The following CPS1 variants were observed in gnomAD, a reference collection of about 807,000 sequenced individuals.
CPS1 encodes carbamoyl-phosphate synthase 1, also known as carbamoyl-phosphate synthase [ammonia], mitochondrial.
A neutral mutation model predicts 174.6 loss-of-function variants in CPS1; 109 were observed. The observed-to-expected ratio is 0.62, with a 90% CI of 0.53 to 0.73. The LOEUF (loss-of-function observed/expected upper bound fraction) is 0.73, where lower values mean the gene tolerates loss of function less well. Ranked by LOEUF, CPS1 falls within the 30% of genes least tolerant of loss-of-function variation. The probability of loss-of-function intolerance (pLI) is 0.00; values close to 1 mark genes in which losing one functional copy is unlikely to be tolerated. For missense variants in CPS1, 1,689 were observed against 1,821.9 expected (o/e 0.93, Z 1.33); for synonymous variants, 637 against 632.0 (o/e 1.01, Z -0.12).
rs180745709 is a variant in CPS1 at position 210,589,749 on chromosome 2, T to C, written c.712-357T>C. On this transcript the variant is annotated intron_variant, in intron 7 of 37. Coordinates refer to ENST00000233072, the MANE Select transcript of CPS1 (RefSeq NM_001875.5). ...ATCTTGGCTCGCTGGAACCTGTGAC[T>C]CCTGGACTCGGGTGATCCTCCCACC... is the stretch of plus-strand genomic sequence containing the variant. Among the ~76,000 whole-genome samples, 375 of 152,104 alleles carry C rather than the reference T, an allele frequency of 2.5e-3. 1 individual carries two copies. The highest frequency in any genetic ancestry group is 3.6e-3 in the Non-Finnish European group (247 of 67,968).
chr2:210,556,361 A>G (rs755153295), upstream of CPS1: 13 of 467,032 alleles, frequency 2.8e-5, no homozygotes, highest in East Asian at 8.0e-4. Context: ...GCTACTCTTT[A>G]GGATAAGGTT....
chr2:210,485,982 A>T (rs1462404434), intron 1 of CPS1, among the ~76,000 whole-genome samples: 3 of 151,810 alleles, frequency 2.0e-5, no homozygotes, highest in Non-Finnish European at 4.4e-5. Context: ...TTGTAGTAGT[A>T]TCGCATTGTG....
At chr2:210,563,811 T>C (rs964865338) in intron 1 of CPS1, among the ~76,000 whole-genome samples, 2 of 152,228 alleles carry the variant, frequency 1.3e-5, no homozygotes, top group Non-Finnish European at 2.9e-5. Flanking sequence ...TTCCTAAGAC[T>C]AAGCCCTCTC....
rs745705404 is a variant in CPS1, at chr2:210,608,536, A to G, written c.2368A>G (p.Ser790Gly). 6.2e-7 allele frequency: 1 copy of G among 1,612,036 alleles called. No individual in the cohort carries two copies. Among genetic ancestry groups the G allele is most frequent in the Non-Finnish European group, 8.5e-7 (1 of 1,178,648 alleles). Residue 790 changes from serine (S) to glycine (G), a missense_variant, in exon 19 of 38, where the codon AGC becomes GGC. Physicochemically the swap from Ser to Gly is moderately conservative, Grantham distance 56. Coordinates refer to ENST00000233072, the MANE Select transcript of CPS1 (RefSeq NM_001875.5). ...RFHGTSSRIG[S>G]SMKSVGEVMA... ...TCATGGAACATCTAGCCGAATTGGT[A>G]GCTCTATGAAAAGTGTAGGAGAGGT...
At chr2:210,531,584 A>G (rs537749452) in intron 1 of CPS1, among the ~76,000 whole-genome samples, 3 of 152,300 alleles carry the variant, frequency 2.0e-5, no homozygotes, top group East Asian at 3.9e-4. Flanking sequence ...ACAAAAAAGA[A>G]GAGAGAATTT....
At chr2:210,575,507 T>C (rs1208454625) in intron 2 of CPS1, among the ~76,000 whole-genome samples, 2 of 118,486 alleles carry the variant, frequency 1.7e-5, no homozygotes, top group African/African-American at 7.3e-5. Context: ...ACACACACGA[T>C]ATGTATATGC....
At chr2:210,536,445 C>T (rs1029642635) in intron 1 of CPS1, among the ~76,000 whole-genome samples, 6 of 151,622 alleles carry the variant, frequency 4.0e-5, no homozygotes, top group Non-Finnish European at 8.8e-5. Flanking sequence ...CTCAGCCTCC[C>T]GAGTAGCTGG....
chr2:210,571,367 C>T (rs746790151), intron 1 of CPS1, among the ~76,000 whole-genome samples: 1 of 151,906 alleles, frequency 6.6e-6, no homozygotes, highest in Admixed American at 6.6e-5. Flanking sequence ...TATGCTCACT[C>T]ACACACATAC....
chr2:210,590,304 G>A, intron 8 of CPS1, 70 bp downstream of exon 8: 5 of 1,602,268 alleles, frequency 3.1e-6, no homozygotes, highest in Non-Finnish European at 4.3e-6. Flanking sequence ...CCCTCAAAGG[G>A]CTGTGATACA....
intron 20 of CPS1, among the ~76,000 whole-genome samples, chr2:210,615,938 CACTG>C (rs1348223339): frequency 1.3e-5 from 2 of 152,064 alleles, no homozygotes; most frequent in African/African-American, 2.4e-5. Context: ...CATAAATTCT[CACTG>C]ACTATTGTAT....
At chr2:210,478,345 G>GT (rs1301965956) in intron 1 of CPS1, among the ~76,000 whole-genome samples, 5 of 152,130 alleles carry the variant, frequency 3.3e-5, no homozygotes, top group Admixed American at 2.0e-4. Context: ...TCTCACTGAT[G>GT]TTTAATCTTT....
intron 1 of CPS1, among the ~76,000 whole-genome samples, chr2:210,567,061 T>C (rs1397914972): frequency 6.6e-6 from 1 of 152,194 alleles, no homozygotes; most frequent in Admixed American, 6.5e-5. Context: ...GTTTATGTTT[T>C]AATAGGTTAT....
chr2:210,517,408 A>G (rs1312031306), intron 1 of CPS1, among the ~76,000 whole-genome samples: 2 of 152,054 alleles, frequency 1.3e-5, no homozygotes, highest in Non-Finnish European at 2.9e-5. Flanking sequence ...TGATAAGACA[A>G]GTAGACTAAG....
At chr2:210,535,480 T>G (rs1696223066) in intron 1 of CPS1, among the ~76,000 whole-genome samples, 1 of 152,234 alleles carries the variant, frequency 6.6e-6, no homozygotes, top group African/African-American at 2.4e-5. Flanking sequence ...CTATGCTGAA[T>G]CATTTGAGCT....
intron 33 of CPS1, 102 bp from the exon 34 acceptor site, chr2:210,668,084 G>GTGTA: frequency 2.7e-6 from 2 of 738,326 alleles, no homozygotes; most frequent in South Asian, 2.9e-5. Flanking sequence ...GCATGTGTGT[G>GTGTA]TGTGTGTGTG....
chr2:210,598,353 A>C (rs1698570226), intron 13 of CPS1, among the ~76,000 whole-genome samples: 1 of 151,940 alleles, frequency 6.6e-6, no homozygotes, highest in Non-Finnish European at 1.5e-5. Context: ...GATCAAATCC[A>C]CATATCAATA....
chr2:210,602,128 A>G (rs2105842789), intron 15 of CPS1, 74 bp from the exon 16 acceptor site: 3 of 1,586,788 alleles, frequency 1.9e-6, no homozygotes, highest in Non-Finnish European at 2.6e-6. Flanking sequence ...CCTGATTGCC[A>G]GACTCTCTTG....
rs1574542883 is a variant in CPS1 at position 210,575,540 on chromosome 2, A to C, written c.237-806A>C. 2.7e-5 allele frequency among the ~76,000 whole-genome samples: 4 copies of C among 149,668 alleles called. No individual in the cohort carries two copies. The East Asian group carries it at 8.1e-4, about 30-fold the overall frequency. ...TGCACACACACACACACACACACAC[A>C]CACGATATATTTGTATTTTTCCTCT... On this transcript the variant is annotated intron_variant, in intron 2 of 37. Coordinates refer to ENST00000233072, the MANE Select transcript of CPS1 (RefSeq NM_001875.5).
chr2:210,613,138 G>A (rs192597787), intron 20 of CPS1, among the ~76,000 whole-genome samples: 174 of 151,976 alleles, frequency 1.1e-3, no homozygotes, highest in Non-Finnish European at 2.0e-3. Flanking sequence ...TGTGGGATGA[G>A]TCGGTGAAAA....
Sources: gnomAD v4.1 joint callset for allele counts (sites outside exome capture counted in the v4.1 genomes callset) on GRCh38, gnomAD v4.1.1 for gene constraint, MANE v1.5 for transcripts, NCBI Gene and HGNC (gene_info 2026-07-23, HGNC 2026-07-21) for gene names.